GLRX2: variants seen among roughly 807,000 people sequenced by gnomAD.
GLRX2 encodes bA101E13.1 (GRX2 glutaredoxin (thioltransferase) 2).
In GLRX2, 12 loss-of-function variants were observed where a neutral mutation model predicts 16.4. The ratio of observed to expected loss-of-function variants is 0.73; its 90% CI spans 0.47 to 1.19. The LOEUF is 1.19. GLRX2 is among the 50% of genes most tolerant of loss of function. The pLI is 0.00. For missense variants in GLRX2, 201 were observed against 201.8 expected (o/e 1.00, Z 0.02); for synonymous variants, 95 against 76.2 (o/e 1.25, Z -1.28).
At chr1:193,097,475 C>G (rs1472481407) in intron 3 of GLRX2, 109 bp downstream of exon 3, 2 of 755,460 alleles carry the variant, frequency 2.6e-6, no homozygotes, top group African/African-American at 1.8e-5. Context: ...GCTGCTTTAT[C>G]TATCCTCAGA....
At chr1:193,105,649 C>T (rs773766463), upstream of GLRX2, 6 of 1,597,836 alleles carry the variant, frequency 3.8e-6, no homozygotes, top group East Asian at 1.4e-4. Context: ...CCGAGCCCCG[C>T]CTCTGGATTC....
intron 1 of GLRX2, among the ~76,000 whole-genome samples, chr1:193,103,569 T>C (rs1675121555): frequency 6.6e-6 from 1 of 152,134 alleles, no homozygotes; most frequent in South Asian, 2.1e-4. Flanking sequence ...TGTATAGGGT[T>C]CAGTACTATC....
At chr1:193,100,661 AT>A (rs34262844) in intron 2 of GLRX2, among the ~76,000 whole-genome samples, 5,919 of 152,226 alleles carry the variant, frequency 0.039, 354 homozygotes, top group African/African-American at 0.13. Context: ...TGTAAGAGAG[AT>A]TTTCTAAGGC....
chr1:193,100,249 T>C (rs867613081), intron 2 of GLRX2, among the ~76,000 whole-genome samples: 5 of 152,098 alleles, frequency 3.3e-5, no homozygotes, highest in African/African-American at 1.2e-4. Context: ...CCGAGGCAGG[T>C]AGATTGCTTG....
chr1:193,102,225 T>C (rs1332796954), intron 1 of GLRX2, among the ~76,000 whole-genome samples: 1 of 152,218 alleles, frequency 6.6e-6, no homozygotes, highest in Non-Finnish European at 1.5e-5. Flanking sequence ...AAATCAATAC[T>C]GTATTCATTC....
intron 1 of GLRX2, among the ~76,000 whole-genome samples, 191 bp from the exon 2 acceptor site, chr1:193,101,395 T>G (rs1409304889): frequency 6.6e-6 from 1 of 152,224 alleles, no homozygotes; most frequent in African/African-American, 2.4e-5. Flanking sequence ...AAAAGGCCTG[T>G]GTGCTTATGT....
chr1:193,105,125 T>C, intron 1 of GLRX2, 139 bp downstream of exon 1: 2 of 1,304,676 alleles, frequency 1.5e-6, no homozygotes, highest in African/African-American at 1.6e-5. Flanking sequence ...CCTCTGCGTG[T>C]TATGACTCAG....
chr1:193,099,544 C>G (rs1675031696), intron 2 of GLRX2, among the ~76,000 whole-genome samples: 1 of 152,130 alleles, frequency 6.6e-6, no homozygotes, highest in Non-Finnish European at 1.5e-5. Flanking sequence ...GTTGCCCAAG[C>G]TGGTGTTGAA....
chr1:193,101,070 A>C lies in GLRX2; in HGVS notation c.183+71T>G, dbSNP rs932535572. ...TCTCAAGTTTGGATATTGAATAAGC[A>C]TATTAAATATATAAGGGACAATTCT... On this transcript the variant is annotated intron_variant, in intron 2 of 3. Coordinates refer to ENST00000367439, the MANE Select transcript of GLRX2 (RefSeq NM_197962.3). 33 of 883,464 alleles carry C rather than the reference A, an allele frequency of 3.7e-5. No individual in the cohort carries two copies. In the South Asian group the frequency reaches 4.0e-4, roughly 11 times the overall value. The allele number at this position is 883,464 out of a possible 1,614,324, so 54.7% of individuals were successfully genotyped here.
In GLRX2 at chr1:193,101,124, T is replaced by C. The variant is rs758839395; in HGVS notation, c.183+17A>G. The C allele has an allele frequency of 1.9e-6, 3 of 1,571,052 alleles. No individual in the cohort carries two copies. The South Asian group carries it at 3.3e-5, about 17-fold the overall frequency. Reference sequence around the variant, plus strand: ...TCTACAGAGGAAAGTTTTTCAATCATCTCCCACATCACTCACTTGGATCTG... The same window carrying C: ...TCTACAGAGGAAAGTTTTTCAATCACCTCCCACATCACTCACTTGGATCTG... On this transcript the variant is annotated intron_variant, in intron 2 of 3. Transcript: ENST00000367439.
At chr1:193,105,467 T>A (rs1160722970), upstream of GLRX2, 1 of 1,460,920 alleles carries the variant, frequency 6.8e-7, no homozygotes, top group East Asian at 2.8e-5. Context: ...GCCCCCGCCT[T>A]GCCCCGCCCC....
In GLRX2 at chr1:193,101,222, G is replaced by T; in HGVS notation, c.120-18C>A. The T allele has an allele frequency of 1.3e-6, 2 of 1,485,896 alleles. No individual in the cohort carries two copies. The highest frequency in any genetic ancestry group is 1.9e-6 in the Non-Finnish European group (2 of 1,063,892). 92.0% of individuals were successfully genotyped at this position (1,485,896 alleles called of 1,614,324 possible). The stretch of plus-strand genomic sequence containing the variant: ...TCTCCATCCTAAAAGGAATTTAAGA[G>T]AACAATGTAGTTTATTAAGCATTAA... On this transcript the variant is annotated intron_variant, in intron 1 of 3. Transcript: ENST00000367439.
rs749867123 is a variant in GLRX2, at chr1:193,097,554, G to A, written c.360+30C>T. ...GTGATCTAGTTTACAACCTATTAAA[G>A]AGGAACAGCACCACAGAGGATATAC... On this transcript the variant is annotated intron_variant, in intron 3 of 3. Coordinates refer to ENST00000367439, the MANE Select transcript of GLRX2 (RefSeq NM_197962.3). 4.6e-6 allele frequency: 7 copies of A among 1,523,706 alleles called. No individual in the cohort carries two copies. The South Asian group carries it at 9.1e-5, about 20-fold the overall frequency. The allele number at this position is 1,523,706 out of a possible 1,614,324, so 94.4% of individuals were successfully genotyped here. A position where few individuals can be genotyped will look rare whatever the true frequency, so the allele number is the denominator to read the frequency against.
At chr1:193,105,601 G>A (rs1446383443), upstream of GLRX2, 2 of 1,606,470 alleles carry the variant, frequency 1.2e-6, no homozygotes, top group South Asian at 1.1e-5. Flanking sequence ...ATCCTTTAGA[G>A]GGGAGAAGCG....
At position 193,105,324 on chromosome 1, in the gene GLRX2, G is replaced by A. The variant is rs1265281991; in HGVS notation, c.59C>T (p.Ser20Leu). 7 of 1,543,108 alleles carry A rather than the reference G, an allele frequency of 4.5e-6. No individual in the cohort carries two copies. Among genetic ancestry groups the A allele is most frequent in the South Asian group, 1.2e-5 (1 of 84,776 alleles). Reference sequence around the variant, plus strand: ...CGCCGCCCTGTCAAGCCAGCCTGCCGAGCCGCTCCTGCTCCAAACCAGCCG... The same window carrying A: ...CGCCGCCCTGTCAAGCCAGCCTGCCAAGCCGCTCCTGCTCCAAACCAGCCG... The part of the protein sequence containing the change: ...GTRLVWSRSG[S>L]AGWLDRAAGA... The change falls in exon 1 of 4, where the codon TCG becomes TTG. Residue 20 changes from serine to leucine, a missense_variant. By Grantham distance (145) the Ser-to-Leu change is moderately radical. Transcript: ENST00000367439.
At chr1:193,105,433 C>A, upstream of GLRX2, 1 of 1,457,806 alleles carries the variant, frequency 6.9e-7, no homozygotes, top group Non-Finnish European at 9.0e-7. Flanking sequence ...CCGCGGATCC[C>A]GGGAGCCCGC....
At chr1:193,105,988 CA>C (rs3079948), upstream of GLRX2, 3,578 of 891,242 alleles carry the variant, frequency 4.0e-3, no homozygotes, top group East Asian at 4.8e-3. Flanking sequence ...CACCACCTGC[CA>C]AAAAAAAAAA....
chr1:193,103,387 A>G (rs1675117985), intron 1 of GLRX2, among the ~76,000 whole-genome samples: 1 of 152,236 alleles, frequency 6.6e-6, no homozygotes, highest in African/African-American at 2.4e-5. Flanking sequence ...AACTGACAGC[A>G]ATGTGTTATG....
At chr1:193,104,972 T>C (rs773429551) in intron 1 of GLRX2, among the ~76,000 whole-genome samples, 1 of 152,238 alleles carries the variant, frequency 6.6e-6, no homozygotes, top group Non-Finnish European at 1.5e-5. Context: ...TTCCAATTGA[T>C]TGCGGCGTCT....
Sources: gnomAD v4.1 joint callset for allele counts (sites outside exome capture counted in the v4.1 genomes callset) on GRCh38, gnomAD v4.1.1 for gene constraint, MANE v1.5 for transcripts, NCBI Gene and HGNC (gene_info 2026-07-23, HGNC 2026-07-21) for gene names.